Variants in ATAD2B observed in about 807,000 individuals in gnomAD.
ATAD2B encodes the protein ATPase family AAA domain-containing protein 2B.
A neutral mutation model predicts 167.6 loss-of-function variants in ATAD2B; 40 were observed. The observed-to-expected ratio is 0.24, with a 90% CI of 0.19 to 0.31. The LOEUF (loss-of-function observed/expected upper bound fraction) is 0.31, where lower values mean the gene tolerates loss of function less well. Ranked by LOEUF, ATAD2B falls within the 10% of genes least tolerant of loss-of-function variation. The pLI is 1.00. For missense variants in ATAD2B, 1,242 were observed against 1,757.2 expected, an observed-to-expected ratio of 0.71 and a Z score of 5.24; for synonymous variants, 579 against 596.5, an observed-to-expected ratio of 0.97 and a Z score of 0.43.
intron 18 of ATAD2B, among the ~76,000 whole-genome samples, chr2:23,802,422 A>C (rs1309869078): frequency 6.6e-6 from 1 of 152,068 alleles, no homozygotes; most frequent in Non-Finnish European, 1.5e-5. Context: ...GGATTCAATA[A>C]ATAAGGTACA....
chr2:23,691,422 A>G, the ATAD2B span: 3 of 559,336 alleles, frequency 5.4e-6, no homozygotes, highest in Non-Finnish European at 9.6e-6. Context: ...ATGCTTTTTG[A>G]TTTGCATCTT....
the ATAD2B span, among the ~76,000 whole-genome samples, chr2:23,726,560 G>T: frequency 1.3e-5 from 2 of 152,134 alleles, no homozygotes; most frequent in African/African-American, 4.8e-5. Context: ...TGGTTTTGCT[G>T]TCTCAGGGGT....
At chr2:23,834,921 A>G (rs949390504) in intron 13 of ATAD2B, among the ~76,000 whole-genome samples, 2 of 152,158 alleles carry the variant, frequency 1.3e-5, no homozygotes, top group Non-Finnish European at 2.9e-5. Flanking sequence ...AATTAGGCAA[A>G]AAATTTGTAT....
chr2:23,831,567 C>G (rs1050698809), intron 14 of ATAD2B, among the ~76,000 whole-genome samples: 1 of 152,220 alleles, frequency 6.6e-6, no homozygotes, highest in East Asian at 1.9e-4. Flanking sequence ...CACATCTTCA[C>G]ACTCTGCTGA....
chr2:23,872,552 C>A lies in ATAD2B; in HGVS notation c.978-2791G>T, dbSNP rs562767693. 51 of 1,026,564 alleles carry A rather than the reference C, an allele frequency of 5.0e-5. 1 individual carries two copies. The South Asian group carries it at 6.4e-4, about 13-fold the overall frequency. The allele number at this position is 1,026,564 out of a possible 1,614,324, so 63.6% of individuals were successfully genotyped here. ...GCTTTGAGAGTCCTTCAGACTCTCA[C>A]AGGAGGGTAGCTGATCCTCCGTGAG... On this transcript the variant is annotated intron_variant, in intron 8 of 27. Coordinates refer to ENST00000238789, the MANE Select transcript of ATAD2B (RefSeq NM_017552.4).
intron 13 of ATAD2B, among the ~76,000 whole-genome samples, chr2:23,837,218 G>T (rs898967053): frequency 2.6e-5 from 4 of 152,234 alleles, no homozygotes; most frequent in Non-Finnish European, 5.9e-5. Flanking sequence ...AACCAGCCAG[G>T]CTGCAACAAC....
chr2:23,752,069 G>A lies in ATAD2B; in HGVS notation c.4354C>T (p.His1452Tyr). The change falls in exon 28 of 28, where the codon CAT becomes TAT. Residue 1452 changes from histidine (H) to tyrosine (Y), a missense_variant. Transcript: ENST00000238789. Reference protein sequence around the residue: ...QLVEEMERTVHMFETFL With the variant: ...QLVEEMERTVYMFETFL The stretch of plus-strand genomic sequence containing the variant: ...GTTCATAGGAATGTCTCAAACATAT[G>A]AACTGTTCTTTCCATCTCCTATAAA... 1 of 1,562,178 alleles carries A rather than the reference G, an allele frequency of 6.4e-7. No individual in the cohort carries two copies. The highest frequency in any genetic ancestry group is 8.7e-7 in the Non-Finnish European group (1 of 1,150,590).
At chr2:23,681,325 G>A in the ATAD2B span, among the ~76,000 whole-genome samples, 1 of 152,208 alleles carries the variant, frequency 6.6e-6, no homozygotes, top group African/African-American at 2.4e-5. The surrounding 1 kb of genome is among the most constrained non-coding windows in gnomAD (Gnocchi z 4.2). Flanking sequence ...TTCAGAGAGA[G>A]CAGAAAGCAC....
At chr2:23,874,165 C>T (rs537841600) in intron 8 of ATAD2B, among the ~76,000 whole-genome samples, 12 of 151,400 alleles carry the variant, frequency 7.9e-5, no homozygotes, top group African/African-American at 2.4e-4. Flanking sequence ...CCAGCCTTGG[C>T]GACCAGGGAA....
chr2:23,769,210 G>T (rs577767131), intron 22 of ATAD2B, among the ~76,000 whole-genome samples: 2 of 152,140 alleles, frequency 1.3e-5, no homozygotes, highest in East Asian at 3.9e-4. Flanking sequence ...GGAGGCCAAG[G>T]TGGGTGGATC....
At chr2:23,762,505 T>C (rs960573273) in intron 23 of ATAD2B, among the ~76,000 whole-genome samples, 159 bp from the exon 24 acceptor site, 1 of 152,182 alleles carries the variant, frequency 6.6e-6, no homozygotes, top group African/African-American at 2.4e-5. Context: ...TGTTTTAAGA[T>C]GGGTAAGAAA....
intron 13 of ATAD2B, among the ~76,000 whole-genome samples, chr2:23,853,618 T>C (rs1692907989): frequency 6.6e-6 from 1 of 152,232 alleles, no homozygotes; most frequent in Non-Finnish European, 1.5e-5. Context: ...CGAATAAGGA[T>C]GCAATTCTTC....
intron 8 of ATAD2B, chr2:23,872,808 A>G: frequency 2.0e-6 from 2 of 1,014,066 alleles, no homozygotes; most frequent in Non-Finnish European, 3.1e-6. Context: ...AGCACTGTCC[A>G]GAGGGTCCAG....
intron 13 of ATAD2B, among the ~76,000 whole-genome samples, chr2:23,851,576 C>T (rs1378668901): frequency 6.6e-6 from 1 of 152,166 alleles, no homozygotes; most frequent in Non-Finnish European, 1.5e-5. Flanking sequence ...CAGAGTGGTG[C>T]ACTTATTTCA....
chr2:23,712,076 T>A, the ATAD2B span, among the ~76,000 whole-genome samples: 4,956 of 152,174 alleles, frequency 0.033, 101 homozygotes, highest in South Asian at 0.088. Flanking sequence ...CACAGGATGG[T>A]TATCCCCATT....
intron 19 of ATAD2B, among the ~76,000 whole-genome samples, chr2:23,791,166 T>G (rs1029697197): frequency 6.6e-6 from 1 of 152,264 alleles, no homozygotes; most frequent in Non-Finnish European, 1.5e-5. Context: ...CATCACATTT[T>G]GTTTAGCCAT....
At chr2:23,841,677 A>G (rs1225967108) in intron 13 of ATAD2B, among the ~76,000 whole-genome samples, 1 of 151,960 alleles carries the variant, frequency 6.6e-6, no homozygotes, top group Admixed American at 6.6e-5. Flanking sequence ...CACGACACTC[A>G]GCTAATTTTT....
chr2:23,729,385 A>AG, the ATAD2B span, among the ~76,000 whole-genome samples: 17 of 152,282 alleles, frequency 1.1e-4, no homozygotes, highest in Admixed American at 9.2e-4. Context: ...ACTAACCAGA[A>AG]GGGGACTCGG....
At chr2:23,743,557 C>T in the ATAD2B span, among the ~76,000 whole-genome samples, 2 of 140,626 alleles carry the variant, frequency 1.4e-5, no homozygotes, top group African/African-American at 2.6e-5. Context: ...AGCGAAAATC[C>T]GACTCAAAAA....
Sources: allele counts gnomAD v4.1 joint callset (sites outside exome capture counted in the v4.1 genomes callset), GRCh38; gene constraint gnomAD v4.1.1; non-coding constraint Gnocchi (gnomAD v3.1); transcripts MANE v1.5; gene names NCBI Gene and HGNC (gene_info 2026-07-23, HGNC 2026-07-21).